The following MYO1A variants were observed in gnomAD, a reference collection of about 807,000 sequenced individuals.
MYO1A encodes myosin IA.
In MYO1A, 127 loss-of-function variants were observed where a neutral mutation model predicts 138.5. The ratio of observed to expected loss-of-function variants is 0.92; its 90% CI spans 0.79 to 1.06. MYO1A has a LOEUF of 1.06. Among genes scored for constraint, MYO1A ranks in the 50% least tolerant of loss-of-function variants. MYO1A has a pLI of 0.00. For synonymous variants in MYO1A, 477 were observed against 497.5 expected (o/e 0.96, Z 0.55); for missense variants, 1,211 against 1,288.8 (o/e 0.94, Z 0.92).
rs780672432 is a variant in MYO1A, at chr12:57,029,474, G to A, written c.2838C>T (p.Thr946=). The change falls in exon 26 of 28, where the codon ACC becomes ACT. Residue 946 remains threonine (T), a synonymous_variant. Coordinates refer to ENST00000300119, the MANE Select transcript of MYO1A (RefSeq NM_005379.4). The stretch of plus-strand genomic sequence containing the variant: ...AGCTAAAGAGCCCATCCTTGAGGCT[G>A]GTGACTGACACCCCAGCCACATTGT... The part of the protein sequence containing the change: ...GLDNVAGVSV[T]SLKDGLFSLH... 3 of 1,614,198 alleles carry A rather than the reference G, an allele frequency of 1.9e-6. No individual in the cohort carries two copies. The highest frequency in any genetic ancestry group is 2.7e-5 in the African/African-American group (2 of 75,044).
Position 57,048,425 on chromosome 12 carries a change from C to A in MYO1A, c.-20-82G>T. 4 of 836,006 alleles carry A rather than the reference C, an allele frequency of 4.8e-6. No individual in the cohort carries two copies. In the South Asian group the frequency reaches 5.7e-5, roughly 12 times the overall value. 51.8% of individuals were successfully genotyped at this position (836,006 alleles called of 1,614,324 possible). A position where few individuals can be genotyped will look rare whatever the true frequency, so the allele number is the denominator to read the frequency against. On this transcript the variant is annotated intron_variant, in intron 1 of 27. Coordinates refer to ENST00000300119, the MANE Select transcript of MYO1A (RefSeq NM_005379.4). ...GTTTGAGGGGAGGATGGCAGAAGGA[C>A]CAAAAGAGCCTTCCTCTCTTCCTAC...
intron 1 of MYO1A, 28 bp from the exon 2 acceptor site, chr12:57,048,371 T>G (rs1450125457): frequency 7.3e-7 from 1 of 1,370,210 alleles, no homozygotes; most frequent in African/African-American, 1.4e-5. Context: ...AGTTTGCTGA[T>G]GTCCACTCAG....
intron 19 of MYO1A, among the ~76,000 whole-genome samples, chr12:57,037,343 G>A (rs1453024202): frequency 6.6e-6 from 1 of 152,190 alleles, no homozygotes; most frequent in Non-Finnish European, 1.5e-5. Flanking sequence ...TTAGAGCCAT[G>A]CAGCACCAAG....
chr12:57,050,425 C>T (rs2031296195), upstream of MYO1A, among the ~76,000 whole-genome samples: 1 of 152,214 alleles, frequency 6.6e-6, no homozygotes, highest in Admixed American at 6.5e-5. Flanking sequence ...GTTGCTCATG[C>T]CTATACTCCC....
intron 10 of MYO1A, 35 bp from the exon 11 acceptor site, chr12:57,043,393 G>A: frequency 6.3e-7 from 1 of 1,591,998 alleles, no homozygotes; most frequent in South Asian, 1.1e-5. Flanking sequence ...TGTCCTTAGA[G>A]GCAGCTTTCT....
chr12:57,046,830 A>T (rs758510005), intron 7 of MYO1A, 33 bp downstream of exon 7: 1 of 1,609,580 alleles, frequency 6.2e-7, no homozygotes, highest in African/African-American at 1.3e-5. Flanking sequence ...AGGCAGGTGG[A>T]AGACAGGTGA....
intron 12 of MYO1A, 38 bp downstream of exon 12, chr12:57,043,034 A>G: frequency 6.2e-7 from 1 of 1,606,084 alleles, no homozygotes; most frequent in South Asian, 1.1e-5. Context: ...AAGGTGAGGC[A>G]GACAGGAGAG....
intron 12 of MYO1A, among the ~76,000 whole-genome samples, chr12:57,042,731 T>G (rs2030911026): frequency 6.6e-6 from 1 of 152,168 alleles, no homozygotes; most frequent in Non-Finnish European, 1.5e-5. Context: ...GTCCTGGGAT[T>G]ACAGGCATGG....
chr12:57,036,202 G>A lies in MYO1A; in HGVS notation c.2349+105C>T, dbSNP rs1239454751. The stretch of plus-strand genomic sequence containing the variant: ...AGGACTTAAGTACATGCAGACTGAG[G>A]AAACTCTTGGGGGAAAGCTTTGGGT... On this transcript the variant is annotated intron_variant, in intron 22 of 27. Coordinates refer to ENST00000300119, the MANE Select transcript of MYO1A (RefSeq NM_005379.4). 3.5e-6 allele frequency: 4 copies of A among 1,154,068 alleles called. No homozygotes were observed. The South Asian group carries it at 4.9e-5, about 14-fold the overall frequency. 71.5% of individuals were successfully genotyped at this position (1,154,068 alleles called of 1,614,324 possible).
In MYO1A at chr12:57,029,275, A is replaced by ACCC; in HGVS notation, c.2878-17_2878-16insGGG. 1 of 1,613,926 alleles carries ACCC rather than the reference A, an allele frequency of 6.2e-7. No individual in the cohort carries two copies. The highest frequency in any genetic ancestry group is 8.5e-7 in the Non-Finnish European group (1 of 1,180,008). On this transcript the variant is annotated splice_polypyrimidine_tract_variant and intron_variant, in intron 26 of 27. Transcript: ENST00000300119. ...CCGATGACATCTTAGGAAGAGGGAA[A>ACCC]AATAGCAGGAAAGGGATTCATTTTT...
rs754982813 is a variant in MYO1A, at chr12:57,036,936, C to T, written c.2205+6G>A. On this transcript the variant is annotated splice_donor_region_variant and intron_variant, in intron 20 of 27. Coordinates refer to ENST00000300119, the MANE Select transcript of MYO1A (RefSeq NM_005379.4). ...GAACAGAGTGGGACTTTGGGGATGA[C>T]CGTACCATGTTTCCCCGAAACCAAG... 13 of 1,614,094 alleles carry T rather than the reference C, an allele frequency of 8.1e-6. No homozygotes were observed. Among genetic ancestry groups the T allele is most frequent in the East Asian group, 2.2e-5 (1 of 44,906 alleles).
intron 4 of MYO1A, 109 bp from the exon 5 acceptor site, chr12:57,047,516 G>T: frequency 6.6e-7 from 1 of 1,508,050 alleles, no homozygotes; most frequent in Non-Finnish European, 9.2e-7. Flanking sequence ...GTCAGAAAAA[G>T]TGGAAAGGAA....
In MYO1A at chr12:57,037,888, G is replaced by A. The variant is rs1164450680; in HGVS notation, c.1942C>T (p.His648Tyr). The A allele has an allele frequency of 3.1e-6, 5 of 1,614,120 alleles. No homozygotes were observed. Among genetic ancestry groups the A allele is most frequent in the Non-Finnish European group, 4.2e-6 (5 of 1,180,008 alleles). The change falls in exon 18 of 28, where the codon CAC becomes TAC. Residue 648 changes from histidine to tyrosine, a missense_variant. Physicochemically the swap from His to Tyr is moderately conservative, Grantham distance 83. Transcript: ENST00000300119. ...TCTTACCGGTCTCCCCCATTCCAGT[G>A]AGGCCAGGTGCTCCGGCTCAGCAAT... is the stretch of plus-strand genomic sequence containing the variant. ...YRLLSRSTWP[H>Y]WNGGDREGVE...
At position 57,038,078 on chromosome 12, in the gene MYO1A, A is replaced by G. The variant is rs1274522339; in HGVS notation, c.1761-9T>C. On this transcript the variant is annotated splice_polypyrimidine_tract_variant and intron_variant, in intron 17 of 27. Coordinates refer to ENST00000300119, the MANE Select transcript of MYO1A (RefSeq NM_005379.4). ...CATTGGGCTTTATGCACCTGGTGGG[A>G]GGTGGGGTAAGGCACAGCCTTCAGG... The G allele has an allele frequency of 3.1e-6, 5 of 1,613,668 alleles. No homozygotes were observed. Among genetic ancestry groups the G allele is most frequent in the Non-Finnish European group, 4.2e-6 (5 of 1,179,986 alleles).
intron 22 of MYO1A, among the ~76,000 whole-genome samples, chr12:57,035,686 A>C (rs965788553): frequency 2.0e-5 from 3 of 152,102 alleles, no homozygotes; most frequent in Admixed American, 6.5e-5. Flanking sequence ...TTGCTATCTG[A>C]CTGAAGTCTC....
At chr12:57,039,084 T>C (rs1313113539) in intron 15 of MYO1A, 75 bp from the exon 16 acceptor site, 3 of 1,569,284 alleles carry the variant, frequency 1.9e-6, no homozygotes, top group Non-Finnish European at 1.7e-6. Flanking sequence ...TGCTGCCCCC[T>C]TTCTCCACTC....
chr12:57,042,244 T>G (rs945488605), intron 12 of MYO1A, among the ~76,000 whole-genome samples: 2 of 152,248 alleles, frequency 1.3e-5, no homozygotes, highest in Admixed American at 6.5e-5. Flanking sequence ...CAAAATGTGG[T>G]CTTTTGTGAC....
intron 23 of MYO1A, 23 bp downstream of exon 23, chr12:57,031,017 A>G (rs1041880207): frequency 6.8e-6 from 11 of 1,612,120 alleles, no homozygotes; most frequent in African/African-American, 1.3e-5. Flanking sequence ...AAATGAGAGG[A>G]GGGGTGCCTG....
chr12:57,043,292 C>T lies in MYO1A; in HGVS notation c.959G>A (p.Arg320Lys), dbSNP rs143549106. 1.2e-6 allele frequency: 2 copies of T among 1,614,166 alleles called. No individual in the cohort carries two copies. Among genetic ancestry groups the T allele is most frequent in the African/African-American group, 2.7e-5 (2 of 75,024 alleles). The change falls in exon 11 of 28, where the codon AGG becomes AAG. Residue 320 changes from arginine to lysine, a missense_variant. Transcript: ENST00000300119. ...CTTTTCCTTGGCTGTTTCCATGGTC[C>T]TCGAGCACAAAGCTCTCTCTACTTC... is the stretch of plus-strand genomic sequence containing the variant. ...SEEVERALCS[R>K]TMETAKEKVV...
Sources: allele counts gnomAD v4.1 joint callset (sites outside exome capture counted in the v4.1 genomes callset), GRCh38; gene constraint gnomAD v4.1.1; transcripts MANE v1.5; gene names NCBI Gene and HGNC (gene_info 2026-07-23, HGNC 2026-07-21).